PPFIBP1: variants seen among roughly 807,000 people sequenced by gnomAD.
PPFIBP1 encodes the protein PPFIB scaffold protein 1, also known as liprin-beta-1.
A neutral mutation model predicts 137.8 loss-of-function variants in PPFIBP1; 112 were observed. The observed-to-expected ratio is 0.81, with a 90% CI of 0.70 to 0.95. PPFIBP1 has a LOEUF of 0.95. Among genes scored for constraint, PPFIBP1 ranks in the 40% least tolerant of loss-of-function variants. PPFIBP1 has a pLI of 0.00. For missense variants in PPFIBP1, 1,083 were observed against 1,196.6 expected (o/e 0.91, Z 1.40); for synonymous variants, 378 against 417.3 (o/e 0.91, Z 1.15).
At chr12:27,635,632 A>G (rs1444178204) in intron 4 of PPFIBP1, 2 of 164,308 alleles carry the variant, frequency 1.2e-5, no homozygotes, top group Non-Finnish European at 2.7e-5. Context: ...TAACCCATTT[A>G]TGCGCAGTGT....
chr12:27,668,110 A>G (rs1227167433), intron 13 of PPFIBP1, among the ~76,000 whole-genome samples: 1 of 152,138 alleles, frequency 6.6e-6, no homozygotes, highest in Admixed American at 6.5e-5. Flanking sequence ...CCCTCTGGCT[A>G]CACCGCTTTA....
intron 4 of PPFIBP1, among the ~76,000 whole-genome samples, chr12:27,644,231 C>G (rs10128870): frequency 0.21 from 29,846 of 144,508 alleles, 3,355 homozygotes; most frequent in South Asian, 0.26. Flanking sequence ...CGCACACCAC[C>G]AAGCTTGGCT....
At chr12:27,576,949 T>A (rs576547908) in intron 1 of PPFIBP1, among the ~76,000 whole-genome samples, 1 of 152,318 alleles carries the variant, frequency 6.6e-6, no homozygotes, top group South Asian at 2.1e-4. Flanking sequence ...GACTGTTTAC[T>A]TTCAGAGCGC....
intron 16 of PPFIBP1, 124 bp from the exon 17 acceptor site, chr12:27,674,068 C>A: frequency 1.1e-6 from 1 of 908,098 alleles, no homozygotes; most frequent in Non-Finnish European, 1.7e-6. Flanking sequence ...ATAAACAATA[C>A]TAAGATTTTG....
intron 2 of PPFIBP1, among the ~76,000 whole-genome samples, chr12:27,594,862 T>A (rs1170717265): frequency 6.6e-6 from 1 of 152,236 alleles, no homozygotes; most frequent in Non-Finnish European, 1.5e-5. Flanking sequence ...TATCCATATA[T>A]GTGAATGTGG....
intron 27 of PPFIBP1, among the ~76,000 whole-genome samples, chr12:27,689,447 A>AAAG (rs372270092): frequency 2.6e-5 from 4 of 152,206 alleles, no homozygotes; most frequent in Admixed American, 1.3e-4. Context: ...AATAAAAAAA[A>AAAG]AAGAAGAAGA....
In PPFIBP1 at chr12:27,672,474, A is replaced by G. The variant is rs76499984; in HGVS notation, c.1310A>G (p.Asp437Gly). 7.6e-4 allele frequency: 1,215 copies of G among 1,606,144 alleles called. 15 individuals are homozygous for G. The East Asian group carries it at 0.023, about 31-fold the overall frequency. Residue 437 changes from aspartate (D) to glycine (G), a missense_variant, in exon 15 of 30, where the codon GAT (aspartate) becomes GGT (glycine). Asp to Gly is a moderately conservative substitution (Grantham distance 94). Coordinates refer to ENST00000228425, the MANE Select transcript of PPFIBP1 (RefSeq NM_003622.4). ...LGATVDTQLC[D>G]KLLTSSLQKS... Reference sequence around the variant, plus strand: ...GCCACTGTTGATACCCAACTGTGTGATAAACTTTTGTAAGTTACATTTTAT... The same window carrying G: ...GCCACTGTTGATACCCAACTGTGTGGTAAACTTTTGTAAGTTACATTTTAT...
chr12:27,625,572 T>A (rs1276901776), intron 2 of PPFIBP1, among the ~76,000 whole-genome samples: 1 of 151,060 alleles, frequency 6.6e-6, no homozygotes, highest in African/African-American at 2.4e-5. Flanking sequence ...ATTTTACAGT[T>A]TTTTACAGTT....
chr12:27,602,092 C>G (rs1198514231), intron 2 of PPFIBP1, among the ~76,000 whole-genome samples: 1 of 152,228 alleles, frequency 6.6e-6, no homozygotes, highest in South Asian at 2.1e-4. Flanking sequence ...TGTGCTCTGT[C>G]CTTTGGTTGG....
intron 1 of PPFIBP1, among the ~76,000 whole-genome samples, chr12:27,540,348 G>T (rs1296600220): frequency 6.6e-6 from 1 of 151,524 alleles, no homozygotes; most frequent in Non-Finnish European, 1.5e-5. Flanking sequence ...GTAGTTAGCT[G>T]GTACCCCGAG....
chr12:27,583,646 C>T (rs547046957), intron 2 of PPFIBP1, among the ~76,000 whole-genome samples: 91 of 152,178 alleles, frequency 6.0e-4, no homozygotes, highest in Non-Finnish European at 9.9e-4. Flanking sequence ...AGTAGCAGAC[C>T]TTAAAGTATT....
intron 24 of PPFIBP1, among the ~76,000 whole-genome samples, chr12:27,683,302 C>G (rs561743623): frequency 6.6e-6 from 1 of 152,136 alleles, no homozygotes; most frequent in Non-Finnish European, 1.5e-5. Context: ...TGACCTCAAG[C>G]GACCTGCCTG....
intron 2 of PPFIBP1, among the ~76,000 whole-genome samples, chr12:27,608,579 A>G (rs1433236244): frequency 1.3e-5 from 2 of 152,212 alleles, no homozygotes; most frequent in Non-Finnish European, 2.9e-5. Context: ...AAAAGCATTT[A>G]CCCTTAAAAA....
At chr12:27,589,449 A>G (rs1357597446) in intron 2 of PPFIBP1, among the ~76,000 whole-genome samples, 1 of 152,166 alleles carries the variant, frequency 6.6e-6, no homozygotes, top group Admixed American at 6.5e-5. Context: ...CTGGCCCATA[A>G]TGTATTTGAC....
intron 8 of PPFIBP1, chr12:27,655,091 G>A (rs1212469796): frequency 1.9e-5 from 26 of 1,338,474 alleles, no homozygotes; most frequent in Non-Finnish European, 2.7e-5. Flanking sequence ...CGGTTATTTA[G>A]CTTGTCTTTT....
chr12:27,684,166 T>A (rs1410046975), intron 24 of PPFIBP1, among the ~76,000 whole-genome samples: 1 of 152,126 alleles, frequency 6.6e-6, no homozygotes, highest in African/African-American at 2.4e-5. Flanking sequence ...TGGAGCGCAG[T>A]GGCACAATCT....
At chr12:27,625,875 G>A (rs79702139) in intron 2 of PPFIBP1, among the ~76,000 whole-genome samples, 19,275 of 151,952 alleles carry the variant, frequency 0.13, 1,288 homozygotes, top group African/African-American at 0.14. Flanking sequence ...GAGCCACTGC[G>A]CCTGGCCTTA....
At chr12:27,619,251 AT>A (rs1391753454) in intron 2 of PPFIBP1, among the ~76,000 whole-genome samples, 2 of 152,220 alleles carry the variant, frequency 1.3e-5, no homozygotes, top group Admixed American at 6.5e-5. Flanking sequence ...ACGTAAGAAT[AT>A]CCTCCTGTAT....
chr12:27,599,648 A>G (rs1327541529), intron 2 of PPFIBP1, among the ~76,000 whole-genome samples: 1 of 152,098 alleles, frequency 6.6e-6, no homozygotes, highest in Non-Finnish European at 1.5e-5. Context: ...ATTTTTCATT[A>G]ATTTAAATTA....
Sources: gnomAD v4.1 joint callset for allele counts (sites outside exome capture counted in the v4.1 genomes callset) on GRCh38, gnomAD v4.1.1 for gene constraint, MANE v1.5 for transcripts, NCBI Gene and HGNC (gene_info 2026-07-23, HGNC 2026-07-21) for gene names.